The following TBC1D15 variants were observed in gnomAD, a reference collection of about 807,000 sequenced individuals.
The protein encoded by TBC1D15 is GAP for RAB7.
A neutral mutation model predicts 95.4 loss-of-function variants in TBC1D15; 39 were observed. The ratio of observed to expected loss-of-function variants is 0.41; its 90% CI spans 0.32 to 0.53. The LOEUF (loss-of-function observed/expected upper bound fraction) is 0.53. TBC1D15 is among the 20% of genes least tolerant of loss of function. The pLI, the probability that TBC1D15 is intolerant of heterozygous loss-of-function variation, is 0.29. For missense variants in TBC1D15, 733 were observed against 794.3 expected, an observed-to-expected ratio of 0.92 and a Z score of 0.93; for synonymous variants, 258 against 261.3, an observed-to-expected ratio of 0.99 and a Z score of 0.12.
At chr12:71,899,658 A>G (rs1898919890) in intron 10 of TBC1D15, among the ~76,000 whole-genome samples, 1 of 152,230 alleles carries the variant, frequency 6.6e-6, no homozygotes, top group African/African-American at 2.4e-5. Flanking sequence ...CTATTGGAGC[A>G]TTTTAAGGAA....
intron 1 of TBC1D15, chr12:71,850,351 CT>C (rs1367618025): frequency 8.3e-6 from 3 of 363,116 alleles, no homozygotes; most frequent in Non-Finnish European, 1.6e-5. Context: ...TGCATTTCAC[CT>C]GCCATGTGGA....
intron 1 of TBC1D15, among the ~76,000 whole-genome samples, chr12:71,868,503 C>T (rs1478612876): frequency 6.6e-6 from 1 of 152,048 alleles, no homozygotes; most frequent in Non-Finnish European, 1.5e-5. Context: ...ACCTCGGCCT[C>T]CCAAAGTGCT....
At chr12:71,863,434 A>T (rs1054027408) in intron 1 of TBC1D15, among the ~76,000 whole-genome samples, 1 of 152,186 alleles carries the variant, frequency 6.6e-6, no homozygotes, top group Non-Finnish European at 1.5e-5. Flanking sequence ...GGACTTCCTT[A>T]TATGTGACTT....
rs1011526471 is a variant in TBC1D15, at chr12:71,867,786, G to T, written c.31-4284G>T. 3.3e-5 allele frequency among the ~76,000 whole-genome samples: 5 copies of T among 152,352 alleles called. No individual in the cohort carries two copies. In the South Asian group the frequency reaches 1.0e-3, roughly 32 times the overall value. The stretch of plus-strand genomic sequence containing the variant: ...TTACAGGCGTGAGCCACCGTACCCA[G>T]CCAAGGAAGTGTTCCAAGGTCCATT... On this transcript the variant is annotated intron_variant, in intron 1 of 16. Transcript: ENST00000485960.
At chr12:71,861,510 C>A in intron 1 of TBC1D15, 1 of 1,522,388 alleles carries the variant, frequency 6.6e-7, no homozygotes, top group South Asian at 1.3e-5. Flanking sequence ...GGTAGTCTCT[C>A]TAATGATCCT....
chr12:71,840,873 T>C (rs1009771032), intron 1 of TBC1D15, among the ~76,000 whole-genome samples: 2 of 152,230 alleles, frequency 1.3e-5, no homozygotes, highest in Admixed American at 1.3e-4. Context: ...CTTGGAAAAT[T>C]GGGCAATTGT....
chr12:71,887,061 C>A lies in TBC1D15; in HGVS notation c.554+2040C>A, dbSNP rs1213464103. On this transcript the variant is annotated intron_variant, in intron 5 of 16. Coordinates refer to ENST00000485960, the MANE Select transcript of TBC1D15 (RefSeq NM_001146213.3). ...TTTTAAATGTGCTAGACTACCTATTCTATAGGTAAGAGATAGCAAACTACT... is the reference window on the plus strand; with the variant it reads ...TTTTAAATGTGCTAGACTACCTATTATATAGGTAAGAGATAGCAAACTACT... Among the ~76,000 whole-genome samples the A allele has an allele frequency of 2.0e-5, 3 of 152,098 alleles. No homozygotes were observed. In the East Asian group the frequency reaches 5.8e-4, roughly 29 times the overall value.
chr12:71,872,028 T>C, intron 1 of TBC1D15, 42 bp from the exon 2 acceptor site: 1 of 900,238 alleles, frequency 1.1e-6, no homozygotes, highest in Non-Finnish European at 1.6e-6. Flanking sequence ...AAAATAGTAC[T>C]CAATAGAAAT....
intron 15 of TBC1D15, 120 bp downstream of exon 15, chr12:71,920,967 A>G: frequency 1.4e-6 from 1 of 721,530 alleles, no homozygotes; most frequent in Non-Finnish European, 2.3e-6. Context: ...TGTGTCAATA[A>G]CAGTGCTAGG....
intron 1 of TBC1D15, 133 bp downstream of exon 1, chr12:71,839,944 A>G (rs1279740500): frequency 1.8e-6 from 2 of 1,118,378 alleles, no homozygotes; most frequent in Middle Eastern, 2.7e-4. Flanking sequence ...GTAGGAGAAG[A>G]CTGGGTGGTA....
chr12:71,891,164 T>C (rs755526186), intron 5 of TBC1D15, among the ~76,000 whole-genome samples: 1 of 152,182 alleles, frequency 6.6e-6, no homozygotes, highest in African/African-American at 2.4e-5. Flanking sequence ...TCATTCTCAA[T>C]AGAAATATAA....
chr12:71,909,192 G>A (rs976520750), intron 11 of TBC1D15, among the ~76,000 whole-genome samples: 1 of 152,190 alleles, frequency 6.6e-6, no homozygotes, highest in African/African-American at 2.4e-5. Context: ...CTGAAACATA[G>A]TCAAGCTTCC....
rs1894940670 is a variant in TBC1D15 at position 71,880,624 on chromosome 12, T to G, written c.343+17T>G. The G allele has an allele frequency of 6.3e-7, 1 of 1,590,050 alleles. No homozygotes were observed. The highest frequency in any genetic ancestry group is 1.4e-5 in the African/African-American group (1 of 73,580). On this transcript the variant is annotated intron_variant, in intron 4 of 16. Transcript: ENST00000485960. Reference sequence around the variant, plus strand: ...CCAATGGAGGTATGAATTAAATCTTTTGAAATCTTAAACTGATTTGCTACA... The same window carrying G: ...CCAATGGAGGTATGAATTAAATCTTGTGAAATCTTAAACTGATTTGCTACA...
intron 10 of TBC1D15, among the ~76,000 whole-genome samples, chr12:71,906,778 G>A (rs1365195621): frequency 6.6e-6 from 1 of 152,012 alleles, no homozygotes; most frequent in Non-Finnish European, 1.5e-5. Flanking sequence ...AGGTTTCTAT[G>A]TTTAGATAAT....
At chr12:71,841,817 A>G (rs1885082936) in intron 1 of TBC1D15, among the ~76,000 whole-genome samples, 1 of 152,210 alleles carries the variant, frequency 6.6e-6, no homozygotes, top group South Asian at 2.1e-4. Flanking sequence ...TTTAAAAAGC[A>G]AATGAAAACT....
At chr12:71,872,697 A>G (rs948651165) in intron 2 of TBC1D15, among the ~76,000 whole-genome samples, 3 of 152,208 alleles carry the variant, frequency 2.0e-5, no homozygotes, top group Admixed American at 6.5e-5. Context: ...AGATAAAATG[A>G]CATGGAATAT....
chr12:71,923,397 C>A lies in TBC1D15; in HGVS notation c.*193C>A. On this transcript the variant is annotated 3_prime_UTR_variant, in exon 17 of 17. Coordinates refer to ENST00000485960, the MANE Select transcript of TBC1D15 (RefSeq NM_001146213.3). Reference sequence around the variant, plus strand: ...TTTGTAGTTACTTCTACCAAATAGCCTTTCCTTTTCGATAACATTCCTCAG... The same window carrying A: ...TTTGTAGTTACTTCTACCAAATAGCATTTCCTTTTCGATAACATTCCTCAG... The A allele has an allele frequency of 1.9e-6, 1 of 519,082 alleles. No homozygotes were observed. Among genetic ancestry groups the A allele is most frequent in the Non-Finnish European group, 3.4e-6 (1 of 297,852 alleles). 32.2% of individuals were successfully genotyped at this position (519,082 alleles called of 1,614,324 possible).
In TBC1D15 at chr12:71,923,099, A is replaced by C; in HGVS notation, c.1920A>C (p.Ala640=). Residue 640 remains alanine, a synonymous_variant, in exon 17 of 17, where the codon GCA becomes GCC. Transcript: ENST00000485960. Reference sequence around the variant, plus strand: ...TCATGACTCCTTGTCCTACATCTGCATTTCAAAGTAATGCCTTGCCTACAC... The same window carrying C: ...TCATGACTCCTTGTCCTACATCTGCCTTTCAAAGTAATGCCTTGCCTACAC... ...NVVMTPCPTS[A]FQSNALPTLS... 5 of 1,614,180 alleles carry C rather than the reference A, an allele frequency of 3.1e-6. No individual in the cohort carries two copies. The highest frequency in any genetic ancestry group is 4.2e-6 in the Non-Finnish European group (5 of 1,180,034).
intron 3 of TBC1D15, among the ~76,000 whole-genome samples, chr12:71,877,295 G>A (rs1269150325): frequency 3.4e-5 from 5 of 147,916 alleles, no homozygotes; most frequent in Non-Finnish European, 7.5e-5. Context: ...GTGCCTTTGT[G>A]GATTTGTTTT....
Sources: gnomAD v4.1 joint callset for allele counts (sites outside exome capture counted in the v4.1 genomes callset) on GRCh38, gnomAD v4.1.1 for gene constraint, MANE v1.5 for transcripts, NCBI Gene and HGNC (gene_info 2026-07-23, HGNC 2026-07-21) for gene names.